The following WRAP53 variants were observed in gnomAD, a reference collection of about 807,000 sequenced individuals.
The protein encoded by WRAP53 is telomerase Cajal body protein 1.
A neutral mutation model predicts 56.6 loss-of-function variants in WRAP53; 28 were observed. The ratio of observed to expected loss-of-function variants is 0.50; its 90% CI spans 0.37 to 0.68. The LOEUF (loss-of-function observed/expected upper bound fraction) is 0.68, where lower values mean the gene tolerates loss of function less well. Ranked by LOEUF, WRAP53 falls within the 30% of genes least tolerant of loss-of-function variation. The pLI, the probability that WRAP53 is intolerant of heterozygous loss-of-function variation, is 0.00. For missense variants in WRAP53, 671 were observed against 715.5 expected, an observed-to-expected ratio of 0.94 and a Z score of 0.71; for synonymous variants, 283 against 283.4, an observed-to-expected ratio of 1.00 and a Z score of 0.01.
At chr17:7,697,393 C>T (rs890352858) in intron 4 of WRAP53, among the ~76,000 whole-genome samples, 1 of 151,694 alleles carries the variant, frequency 6.6e-6, no homozygotes, top group Non-Finnish European at 1.5e-5. Flanking sequence ...GGCATGGTGG[C>T]TCACACCTGT....
At chr17:7,689,722 C>A in intron 4 of WRAP53, 21 bp downstream of exon 4, 1 of 1,572,892 alleles carries the variant, frequency 6.4e-7, no homozygotes, top group South Asian at 1.1e-5. Context: ...GGGCTAACTG[C>A]CTCTTCATCA....
In WRAP53 at chr17:7,701,059, G is replaced by A. The variant is rs780959583; in HGVS notation, c.731+230G>A. Among the ~76,000 whole-genome samples the A allele has an allele frequency of 2.6e-5, 4 of 151,432 alleles. No individual in the cohort carries two copies. Among genetic ancestry groups the A allele is most frequent in the African/African-American group, 4.9e-5 (2 of 41,172 alleles). ...GCAGTCTCAGCTCACTGCAACCTCC[G>A]CCTCCCAGGTTGAAGTGATTCTCCT... On this transcript the variant is annotated intron_variant, in intron 5 of 10. Transcript: ENST00000396463. The surrounding 1 kb of genome is among the most constrained non-coding windows in gnomAD (Gnocchi z 4.2).
intron 4 of WRAP53, among the ~76,000 whole-genome samples, chr17:7,691,499 C>T (rs148297422): frequency 0.022 from 3,287 of 150,170 alleles, 114 homozygotes; most frequent in African/African-American, 0.074. Flanking sequence ...AAGCGATTCT[C>T]CTGCCTCAGC....
At chr17:7,687,217 A>C (rs1597400104), upstream of WRAP53, 1 of 397,746 alleles carries the variant, frequency 2.5e-6, no homozygotes, top group East Asian at 3.6e-5. Flanking sequence ...TGCAACTCCT[A>C]TGATGATCCC....
intron 4 of WRAP53, among the ~76,000 whole-genome samples, chr17:7,693,113 C>T (rs888657861): frequency 1.3e-5 from 2 of 151,970 alleles, no homozygotes; most frequent in Admixed American, 1.3e-4. Context: ...CACCTCCCTG[C>T]GCTGGAGCAC....
At chr17:7,697,879 T>C (rs2074207476) in intron 4 of WRAP53, among the ~76,000 whole-genome samples, 1 of 151,798 alleles carries the variant, frequency 6.6e-6, no homozygotes, top group South Asian at 2.1e-4. Flanking sequence ...ACTTTTTTTT[T>C]TTTTTGGAGA....
chr17:7,694,111 C>T (rs980304416), intron 4 of WRAP53, among the ~76,000 whole-genome samples: 1 of 151,912 alleles, frequency 6.6e-6, no homozygotes, highest in Non-Finnish European at 1.5e-5. Flanking sequence ...GGTGAAACCC[C>T]GTCTCTACTA....
upstream of WRAP53, chr17:7,687,583 C>A (rs2074030784): frequency 2.5e-6 from 1 of 398,772 alleles, no homozygotes. Context: ...CAAAGCTGGA[C>A]AGTCGCCATG....
intron 4 of WRAP53, among the ~76,000 whole-genome samples, chr17:7,690,975 T>G (rs2074099784): frequency 6.7e-6 from 1 of 148,390 alleles, no homozygotes; most frequent in Non-Finnish European, 1.5e-5. Context: ...TTTGGGAGGC[T>G]GAGGTGGGCA....
rs754851216 is a variant in WRAP53, at chr17:7,701,702, T to C, written c.868T>C (p.Ser290Pro). The change falls in exon 7 of 11, where the codon TCC (serine) becomes CCC (proline). Residue 290 changes from serine to proline, a missense_variant. Physicochemically the swap from Ser to Pro is moderately conservative, Grantham distance 74. Transcript: ENST00000396463. The surrounding 1 kb of genome is among the most constrained non-coding windows in gnomAD (Gnocchi z 4.2). ...TTCGCTCTGCTTCTCCCCGGATGGC[T>C]CCCAGCTCTTCTGTGGCTTCAACCG... The part of the protein sequence containing the change: ...AHSLCFSPDG[S>P]QLFCGFNRTV... 1 of 1,614,220 alleles carries C rather than the reference T, an allele frequency of 6.2e-7. No homozygotes were observed. The highest frequency in any genetic ancestry group is 2.2e-5 in the East Asian group (1 of 44,882).
intron 4 of WRAP53, among the ~76,000 whole-genome samples, chr17:7,699,344 C>T (rs1213314771): frequency 6.7e-6 from 1 of 148,444 alleles, no homozygotes; most frequent in Non-Finnish European, 1.5e-5. Context: ...TTGCTTGAAC[C>T]TGGGAGGTGG....
chr17:7,693,443 G>A (rs750438617), intron 4 of WRAP53, among the ~76,000 whole-genome samples: 3 of 152,210 alleles, frequency 2.0e-5, no homozygotes, highest in African/African-American at 2.4e-5. Context: ...TTAAGGCCGG[G>A]TGCGGTGGCT....
rs755116516 is a variant in WRAP53 at position 7,703,396 on chromosome 17, TG to T, written c.1564del (p.Ala522ArgfsTer26). On this transcript the variant is annotated frameshift_variant, in exon 11 of 11. Coordinates refer to ENST00000396463, the MANE Select transcript of WRAP53 (RefSeq NM_001143992.2). LOFTEE classifies it low-confidence loss of function (END_TRUNC). Reference protein sequence around the residue: ...LECRLQLWWCGGAPDSSIPDD... With the variant: ...LECRLQLWWCXGAPDSSIPDD... ...AATGTCGGCTTCAGCTCTGGTGGTGTGGGGGGGCGCCAGACTCCAGCATCCC... is the reference window on the plus strand; with the variant it reads ...AATGTCGGCTTCAGCTCTGGTGGTGTGGGGGGCGCCAGACTCCAGCATCCC... 5.9e-5 allele frequency: 95 copies of T among 1,607,406 alleles called. 1 individual carries two copies. The East Asian group carries it at 1.8e-3, about 30-fold the overall frequency.
chr17:7,686,829 A>C (rs572698417), upstream of WRAP53: 2 of 152,830 alleles, frequency 1.3e-5, no homozygotes, highest in East Asian at 3.8e-4. Flanking sequence ...CATCTAGCGG[A>C]GCCGGGGGCT....
At position 7,702,162 on chromosome 17, in the gene WRAP53, A is replaced by AAGTGG; in HGVS notation, c.956-182_956-181insAGTGG. The AAGTGG allele has an allele frequency of 1.4e-6, 1 of 730,386 alleles. No individual in the cohort carries two copies. Among genetic ancestry groups the AAGTGG allele is most frequent in the Non-Finnish European group, 2.4e-6 (1 of 425,480 alleles). The allele number at this position is 730,386 out of a possible 1,614,324, so 45.2% of individuals were successfully genotyped here. A position where few individuals can be genotyped will look rare whatever the true frequency, so the allele number is the denominator to read the frequency against. On this transcript the variant is annotated intron_variant, in intron 7 of 10. Transcript: ENST00000396463. This position sits in a 1 kb window ranked among gnomAD's most constrained non-coding sequence, Gnocchi z 5.0. ...GGGATGAAGTGGGGCTTGGGCATTT[A>AAGTGG]GGTCCTTTGGGAGGATAGATGTGGG...
At position 7,702,022 on chromosome 17, in the gene WRAP53, C is replaced by T. The variant is rs1253214905; in HGVS notation, c.955+233C>T. On this transcript the variant is annotated intron_variant, in intron 7 of 10. Coordinates refer to ENST00000396463, the MANE Select transcript of WRAP53 (RefSeq NM_001143992.2). The surrounding 1 kb of genome is among the most constrained non-coding windows in gnomAD (Gnocchi z 5.0). ...CTTCCTTCCTGAACTCATACCCTGT[C>T]AGCTGTGGAGCTTTTGGTCTCTGAA... The T allele has an allele frequency of 1.3e-6, 1 of 761,780 alleles. No homozygotes were observed. Among genetic ancestry groups the T allele is most frequent in the Non-Finnish European group, 2.3e-6 (1 of 440,930 alleles). The allele number at this position is 761,780 out of a possible 1,614,324, so 47.2% of individuals were successfully genotyped here.
Position 7,691,041 on chromosome 17 carries a change from C to G in WRAP53, c.642+1340C>G, listed in dbSNP as rs534531658. ...CCTGGCCAACATGGCAAAACCTCATCTCTACAAAAATACAAAAATTAGCTG... is the reference window on the plus strand; with the variant it reads ...CCTGGCCAACATGGCAAAACCTCATGTCTACAAAAATACAAAAATTAGCTG... On this transcript the variant is annotated intron_variant, in intron 4 of 10. Coordinates refer to ENST00000396463, the MANE Select transcript of WRAP53 (RefSeq NM_001143992.2). Among the ~76,000 whole-genome samples the G allele has an allele frequency of 3.9e-5, 6 of 152,152 alleles. No individual in the cohort carries two copies. In the South Asian group the frequency reaches 1.2e-3, roughly 32 times the overall value.
chr17:7,697,213 C>T (rs2074197639), intron 4 of WRAP53, among the ~76,000 whole-genome samples: 1 of 150,964 alleles, frequency 6.6e-6, no homozygotes, highest in African/African-American at 2.4e-5. Flanking sequence ...CCCAGCTACT[C>T]AGGAGGCTGA....
At chr17:7,687,457 C>T (rs2074026900), upstream of WRAP53, 2 of 398,726 alleles carry the variant, frequency 5.0e-6, no homozygotes, top group Non-Finnish European at 8.8e-6. Flanking sequence ...CCAGCAGCTA[C>T]CTGCTCCCTG....
Sources: allele counts gnomAD v4.1 joint callset (sites outside exome capture counted in the v4.1 genomes callset), GRCh38; gene constraint gnomAD v4.1.1; non-coding constraint Gnocchi (gnomAD v3.1); transcripts MANE v1.5; gene names NCBI Gene and HGNC (gene_info 2026-07-23, HGNC 2026-07-21).